CYFIP2: variants seen among roughly 807,000 people sequenced by gnomAD.
The protein encoded by CYFIP2 is cytoplasmic FMR1 interacting protein 2, also known as cytoplasmic FMR1-interacting protein 2.
In CYFIP2, 29 loss-of-function variants were observed where a neutral mutation model predicts 158.7. That is an observed-to-expected ratio of 0.18 (90% CI 0.14 to 0.25). The LOEUF (loss-of-function observed/expected upper bound fraction) is 0.25, where lower values mean the gene tolerates loss of function less well. CYFIP2 is among the 10% of genes least tolerant of loss of function. The pLI, the probability that CYFIP2 is intolerant of heterozygous loss-of-function variation, is 1.00. For missense variants in CYFIP2, 852 were observed against 1,639.5 expected, an observed-to-expected ratio of 0.52 and a Z score of 8.29; for synonymous variants, 585 against 617.6, an observed-to-expected ratio of 0.95 and a Z score of 0.78.
chr5:157,297,444 C>T (rs758152101), intron 5 of CYFIP2, among the ~76,000 whole-genome samples: 3 of 152,164 alleles, frequency 2.0e-5, no homozygotes, highest in Non-Finnish European at 4.4e-5. Context: ...TGAAAATGAC[C>T]GGCTTCACAG....
Position 157,311,600 on chromosome 5 carries a change from A to G in CYFIP2, c.993-64A>G. ...CGTGGGCTGAGCACCAGGAGCAGCT[A>G]ATGCCTGTTCCACCCAGGCGCCTGA... is the stretch of plus-strand genomic sequence containing the variant. On this transcript the variant is annotated intron_variant, in intron 10 of 30. Transcript: ENST00000620254. This position sits in a 1 kb window ranked among gnomAD's most constrained non-coding sequence, Gnocchi z 4.7. 2 of 1,439,228 alleles carry G rather than the reference A, an allele frequency of 1.4e-6. No homozygotes were observed. Among genetic ancestry groups the G allele is most frequent in the South Asian group, 2.5e-5 (2 of 78,640 alleles). 89.2% of individuals were successfully genotyped at this position (1,439,228 alleles called of 1,614,324 possible). A position where few individuals can be genotyped will look rare whatever the true frequency, so the allele number is the denominator to read the frequency against.
chr5:157,307,631 T>C, intron 8 of CYFIP2, 130 bp from the exon 9 acceptor site: 1 of 412,200 alleles, frequency 2.4e-6, no homozygotes, highest in Non-Finnish European at 4.1e-6. Flanking sequence ...TGTGTGTCTC[T>C]ACAGGGTGTG....
chr5:157,379,201 T>C (rs1011668548), intron 26 of CYFIP2, among the ~76,000 whole-genome samples: 6 of 152,188 alleles, frequency 3.9e-5, no homozygotes, highest in Non-Finnish European at 8.8e-5. Context: ...CCTTTCAAAA[T>C]TTGATTATAT....
intron 19 of CYFIP2, 78 bp from the exon 20 acceptor site, chr5:157,330,664 C>A: frequency 9.0e-7 from 1 of 1,105,378 alleles, no homozygotes; most frequent in South Asian, 1.3e-5. Flanking sequence ...ATCCTATGAT[C>A]TGAAATAGAT....
Position 157,393,238 on chromosome 5 carries a change from T to G in CYFIP2, c.*238T>G. On this transcript the variant is annotated 3_prime_UTR_variant, in exon 31 of 31. Transcript: ENST00000620254. Reference sequence around the variant, plus strand: ...AAAAAAAAAAAAGTAAACAGGGCAGTGTGTGCTTTTTCTTTTCTCCCCCCT... The same window carrying G: ...AAAAAAAAAAAAGTAAACAGGGCAGGGTGTGCTTTTTCTTTTCTCCCCCCT... 2.5e-6 allele frequency: 1 copy of G among 404,846 alleles called. No individual in the cohort carries two copies. The highest frequency in any genetic ancestry group is 4.0e-5 in the East Asian group (1 of 24,872). The allele number at this position is 404,846 out of a possible 1,614,324, so 25.1% of individuals were successfully genotyped here. A position where few individuals can be genotyped will look rare whatever the true frequency, so the allele number is the denominator to read the frequency against.
At chr5:157,297,975 A>G (rs1758390469) in intron 5 of CYFIP2, among the ~76,000 whole-genome samples, 1 of 152,204 alleles carries the variant, frequency 6.6e-6, no homozygotes, top group South Asian at 2.1e-4. Context: ...GTTTAGTTGG[A>G]CTTAGACTCT....
rs370020851 is a variant in CYFIP2, at chr5:157,301,210, C to T, written c.569+314C>T. Among the ~76,000 whole-genome samples, 22 of 152,322 alleles carry T rather than the reference C, an allele frequency of 1.4e-4. No individual in the cohort carries two copies. The South Asian group carries it at 4.6e-3, about 32-fold the overall frequency. Reference sequence around the variant, plus strand: ...TAATATGGGACCAGTAAGATCATCACAAAATGGTTACATTAGTCATTTTCT... The same window carrying T: ...TAATATGGGACCAGTAAGATCATCATAAAATGGTTACATTAGTCATTTTCT... On this transcript the variant is annotated intron_variant, in intron 6 of 30. Transcript: ENST00000620254.
At chr5:157,298,485 G>A (rs1230641782) in intron 5 of CYFIP2, among the ~76,000 whole-genome samples, 6 of 148,982 alleles carry the variant, frequency 4.0e-5, no homozygotes, top group Admixed American at 6.7e-5. Context: ...ACAGGTGTGT[G>A]CCACCACGAC....
chr5:157,391,484 C>T (rs1767281698), intron 30 of CYFIP2, among the ~76,000 whole-genome samples: 1 of 152,106 alleles, frequency 6.6e-6, no homozygotes. Context: ...CATCATTCTA[C>T]TTTCTCTATG....
At chr5:157,342,589 G>A (rs1017946988) in intron 23 of CYFIP2, 7 of 370,486 alleles carry the variant, frequency 1.9e-5, no homozygotes, top group African/African-American at 1.2e-4. Context: ...ATCCATGTTT[G>A]TTTTAATGTT....
At chr5:157,292,262 C>T (rs1757884281) in intron 3 of CYFIP2, among the ~76,000 whole-genome samples, 1 of 150,990 alleles carries the variant, frequency 6.6e-6, no homozygotes. Flanking sequence ...TCTTATTGCC[C>T]AGGCTGGAGT....
At chr5:157,319,970 A>G in intron 14 of CYFIP2, 42 bp downstream of exon 14, 1 of 1,603,194 alleles carries the variant, frequency 6.2e-7, no homozygotes, top group Non-Finnish European at 8.5e-7. Context: ...AGACATAAGC[A>G]TGCCAGGTAC....
intron 20 of CYFIP2, among the ~76,000 whole-genome samples, chr5:157,331,396 C>A (rs183883292): frequency 6.0e-5 from 9 of 149,290 alleles, no homozygotes; most frequent in Admixed American, 5.4e-4. Flanking sequence ...TAAGAGATGC[C>A]CCAGCAGATG....
chr5:157,282,689 G>A (rs73302155), intron 1 of CYFIP2, among the ~76,000 whole-genome samples: 2,973 of 152,298 alleles, frequency 0.02, 104 homozygotes, highest in African/African-American at 0.069. Context: ...TTCCTCCTAC[G>A]GGAGTTGTGT....
At chr5:157,272,955 C>T (rs1311894750) in intron 1 of CYFIP2, among the ~76,000 whole-genome samples, 1 of 152,192 alleles carries the variant, frequency 6.6e-6, no homozygotes, top group Non-Finnish European at 1.5e-5. Context: ...CAACCTCTGC[C>T]TCCCAGGTTC....
rs954520587 is a variant in CYFIP2, at chr5:157,359,041, T to C, written c.2710T>C (p.Tyr904His). 1 of 1,613,994 alleles carries C rather than the reference T, an allele frequency of 6.2e-7. No homozygotes were observed. Among genetic ancestry groups the C allele is most frequent in the South Asian group, 1.1e-5 (1 of 91,080 alleles). Residue 904 changes from tyrosine to histidine, a missense_variant, in exon 24 of 31, where the codon TAC becomes CAC. This residue lies in a region of CYFIP2 where 191 missense variants were observed against 311.2 expected (regional missense o/e 0.61). Coordinates refer to ENST00000620254, the MANE Select transcript of CYFIP2 (RefSeq NM_001037333.3). Reference protein sequence around the residue: ...NIAYSHIYSSYRNFVGPPHFK... With the variant: ...NIAYSHIYSSHRNFVGPPHFK... ...TGCCTACAGCCACATCTACAGCTCC[T>C]ACAGGAATTTCGTGGGGCCACCTCA...
intron 7 of CYFIP2, among the ~76,000 whole-genome samples, chr5:157,303,444 C>G (rs187194865): frequency 6.6e-6 from 1 of 152,276 alleles, no homozygotes; most frequent in East Asian, 1.9e-4. Flanking sequence ...TCCCATTTTG[C>G]CCAACATAAG....
At chr5:157,287,272 G>T (rs1376545495) in intron 3 of CYFIP2, among the ~76,000 whole-genome samples, 164 bp downstream of exon 3, 1 of 152,170 alleles carries the variant, frequency 6.6e-6, no homozygotes, top group African/African-American at 2.4e-5. Context: ...GCCATCCCCT[G>T]TCGGTGCCTA....
Position 157,266,773 on chromosome 5 carries a change from C to T in CYFIP2, c.-24+578C>T, listed in dbSNP as rs1015285520. The T allele has an allele frequency of 2.6e-5, 4 of 152,384 alleles. No homozygotes were observed. Among genetic ancestry groups the T allele is most frequent in the Non-Finnish European group, 4.4e-5 (3 of 68,150 alleles). 9.4% of individuals were successfully genotyped at this position (152,384 alleles called of 1,614,324 possible). On this transcript the variant is annotated intron_variant, in intron 1 of 30. Coordinates refer to ENST00000620254, the MANE Select transcript of CYFIP2 (RefSeq NM_001037333.3). This position sits in a 1 kb window ranked among gnomAD's most constrained non-coding sequence, Gnocchi z 4.2. ...TGATGAGAGAGGAGCAGGTCTGACC[C>T]GCTTGGAAGCTTTCTGGCCTACACT... is the stretch of plus-strand genomic sequence containing the variant.
Sources: allele counts gnomAD v4.1 joint callset (sites outside exome capture counted in the v4.1 genomes callset), GRCh38; gene constraint gnomAD v4.1.1; regional missense constraint gnomAD v4.1.1; non-coding constraint Gnocchi (gnomAD v3.1); transcripts MANE v1.5; gene names NCBI Gene and HGNC (gene_info 2026-07-23, HGNC 2026-07-21).